The following GALM variants were observed in gnomAD, a reference collection of about 807,000 sequenced individuals.
GALM encodes the protein galactose mutarotase.
Under a neutral mutation model 37.4 loss-of-function variants are expected in GALM, and 43 were observed. The ratio of observed to expected loss-of-function variants is 1.15; its 90% CI spans 0.90 to 1.48. The LOEUF (loss-of-function observed/expected upper bound fraction) is 1.48. Among genes scored for constraint, GALM ranks in the 40% most tolerant of loss-of-function variants. The pLI, the probability that GALM is intolerant of heterozygous loss-of-function variation, is 0.00. For synonymous variants in GALM, 199 were observed against 170.6 expected (o/e 1.17, Z -1.30); for missense variants, 456 against 419.1 (o/e 1.09, Z -0.77).
intron 1 of GALM, 150 bp downstream of exon 1, chr2:38,666,501 G>A: frequency 3.3e-6 from 2 of 597,430 alleles, no homozygotes; most frequent in South Asian, 2.1e-5. Flanking sequence ...GCATCATAGA[G>A]GGCCGTGTGG....
rs149331676 is a variant in GALM at position 38,731,803 on chromosome 2, C to T, written c.845C>T (p.Thr282Met). 1.5e-5 allele frequency: 24 copies of T among 1,613,916 alleles called. No homozygotes were observed. The highest frequency in any genetic ancestry group is 9.3e-5 in the African/African-American group (7 of 75,024). Reference sequence around the variant, plus strand: ...ACCCAGCCCGGGGTCCAGTTTTACACGGGCAACTTCCTGGATGGCACATTA... The same window carrying T: ...ACCCAGCCCGGGGTCCAGTTTTACATGGGCAACTTCCTGGATGGCACATTA... ...YTTQPGVQFY[T>M]GNFLDGTLKG... is the part of the protein sequence containing the mutation. Residue 282 changes from threonine (T) to methionine (M), a missense_variant, in exon 6 of 7, where the codon ACG becomes ATG. Thr to Met is a moderately conservative substitution (Grantham distance 81, BLOSUM62 -1). Transcript: ENST00000272252.
intron 2 of GALM, among the ~76,000 whole-genome samples, chr2:38,676,549 G>A (rs1466467951): frequency 6.6e-6 from 1 of 152,200 alleles, no homozygotes; most frequent in Non-Finnish European, 1.5e-5. Context: ...GGTCACCTGA[G>A]GTCAGGAGTT....
rs3059479 is a variant in GALM, at chr2:38,718,196, CTT to C, written c.635-11346_635-11345del. 2.5e-3 allele frequency among the ~76,000 whole-genome samples: 331 copies of C among 131,266 alleles called. 2 individuals are homozygous for C. Among genetic ancestry groups the C allele is most frequent in the African/African-American group, 8.7e-3 (308 of 35,246 alleles). The allele number at this position is 131,266 out of a possible 152,430, so 86.1% of individuals were successfully genotyped here. ...GTACAAGTATTTCTTTTTTTCTTTT[CTT>C]TTTTTTTTTTTTTCTTTTTGAGATG... On this transcript the variant is annotated intron_variant, in intron 4 of 6. Coordinates refer to ENST00000272252, the MANE Select transcript of GALM (RefSeq NM_138801.3).
At chr2:38,729,984 G>A (rs1489179639) in intron 5 of GALM, among the ~76,000 whole-genome samples, 1 of 152,010 alleles carries the variant, frequency 6.6e-6, no homozygotes, top group African/African-American at 2.4e-5. Context: ...ACTCTTCCTA[G>A]TGAAGTCACC....
intron 2 of GALM, among the ~76,000 whole-genome samples, chr2:38,677,609 C>T (rs755379953): frequency 6.6e-6 from 1 of 152,204 alleles, no homozygotes. Flanking sequence ...GACAGCACCT[C>T]GTTCTAGCTT....
intron 4 of GALM, among the ~76,000 whole-genome samples, chr2:38,729,155 T>C (rs989960001): frequency 2.0e-5 from 3 of 152,008 alleles, no homozygotes; most frequent in Non-Finnish European, 4.4e-5. Flanking sequence ...ATATACTCTA[T>C]TTATTTGAGG....
chr2:38,721,294 T>A (rs965351800), intron 4 of GALM, among the ~76,000 whole-genome samples: 88 of 152,320 alleles, frequency 5.8e-4, no homozygotes, highest in African/African-American at 2.1e-3. Flanking sequence ...GTGACAGAGA[T>A]CTGGAATGTT....
intron 4 of GALM, among the ~76,000 whole-genome samples, chr2:38,705,742 C>G (rs1666022829): frequency 6.6e-6 from 1 of 152,182 alleles, no homozygotes. Flanking sequence ...GAGTGTGTGT[C>G]TTCTTAAATT....
intron 4 of GALM, chr2:38,698,350 TC>T: frequency 7.7e-7 from 1 of 1,301,138 alleles, no homozygotes. Context: ...GGTGCTTCTT[TC>T]CTGTCCCATG....
chr2:38,669,449 C>G (rs974987990), intron 1 of GALM: 1 of 152,240 alleles, frequency 6.6e-6, no homozygotes, highest in Non-Finnish European at 1.5e-5. Context: ...GAATTGCTCA[C>G]GCGGTGAGCT....
At chr2:38,680,185 AT>A (rs35368702) in intron 2 of GALM, 75,156 of 341,004 alleles carry the variant, frequency 0.22, 13,129 homozygotes, top group African/African-American at 0.57. Context: ...TACCTCGCTA[AT>A]TTTTTTAAAC....
chr2:38,708,062 A>G (rs1474333106), intron 4 of GALM, among the ~76,000 whole-genome samples: 2 of 151,994 alleles, frequency 1.3e-5, no homozygotes, highest in Non-Finnish European at 2.9e-5. Context: ...AGCCGAGGTC[A>G]TGCCATTGCA....
At chr2:38,693,191 T>C (rs10206629) in intron 4 of GALM, among the ~76,000 whole-genome samples, 21,157 of 152,188 alleles carry the variant, frequency 0.14, 1,762 homozygotes, top group Non-Finnish European at 0.18. Flanking sequence ...TACAAGAACC[T>C]GTTAGACCAG....
chr2:38,705,497 A>T (rs1420531070), intron 4 of GALM, among the ~76,000 whole-genome samples: 1 of 152,208 alleles, frequency 6.6e-6, no homozygotes, highest in East Asian at 1.9e-4. Context: ...GAAGGAGTGT[A>T]GAAGCCAGGG....
intron 4 of GALM, among the ~76,000 whole-genome samples, chr2:38,690,192 C>T (rs1251973168): frequency 6.6e-6 from 1 of 152,044 alleles, no homozygotes; most frequent in Non-Finnish European, 1.5e-5. Flanking sequence ...TTTACTGGGG[C>T]TGGGCGCGGT....
At chr2:38,687,859 G>T (rs1477099219) in intron 3 of GALM, among the ~76,000 whole-genome samples, 1 of 152,142 alleles carries the variant, frequency 6.6e-6, no homozygotes, top group Non-Finnish European at 1.5e-5. Context: ...TGGATTGTGT[G>T]GGCCAGTCTT....
chr2:38,677,486 T>C (rs1316231626), intron 2 of GALM, among the ~76,000 whole-genome samples: 2 of 152,126 alleles, frequency 1.3e-5, no homozygotes, highest in African/African-American at 4.8e-5. Flanking sequence ...CAGCATGTGC[T>C]CTGCCAGTAT....
intron 3 of GALM, among the ~76,000 whole-genome samples, chr2:38,682,094 A>C (rs897663063): frequency 6.6e-6 from 1 of 152,190 alleles, no homozygotes; most frequent in African/African-American, 2.4e-5. Flanking sequence ...CCCTTTATGA[A>C]GTTGTTGGTT....
intron 4 of GALM, among the ~76,000 whole-genome samples, chr2:38,699,457 G>T: frequency 6.6e-6 from 1 of 152,064 alleles, no homozygotes; most frequent in Non-Finnish European, 1.5e-5. Flanking sequence ...GTTAATTATA[G>T]TCACCCTATA....
Sources: gnomAD v4.1 joint callset for allele counts (sites outside exome capture counted in the v4.1 genomes callset) on GRCh38, gnomAD v4.1.1 for gene constraint, MANE v1.5 for transcripts, NCBI Gene and HGNC (gene_info 2026-07-23, HGNC 2026-07-21) for gene names.